QSER1: variants seen among roughly 807,000 people sequenced by gnomAD.
The protein encoded by QSER1 is glutamine and serine rich 1, also known as glutamine and serine-rich protein 1.
Under a neutral mutation model 158.5 loss-of-function variants are expected in QSER1, and 49 were observed. The observed-to-expected ratio is 0.31, with a 90% CI of 0.25 to 0.39. The LOEUF (loss-of-function observed/expected upper bound fraction) is 0.39. QSER1 is among the 10% of genes least tolerant of loss of function. QSER1 has a pLI of 1.00. For missense variants in QSER1, 1,754 were observed against 2,010.3 expected (o/e 0.87, Z 2.44); for synonymous variants, 650 against 715.5 (o/e 0.91, Z 1.46).
At chr11:32,926,900 C>G (rs1851979870) in intron 1 of QSER1, 1 of 152,108 alleles carries the variant, frequency 6.6e-6, no homozygotes, top group South Asian at 2.1e-4. Flanking sequence ...TACCACATTA[C>G]CTCTCCCAGT....
In QSER1 at chr11:32,969,116, G is replaced by A. The variant is rs369007735; in HGVS notation, c.5178G>A (p.Leu1726=). Residue 1726 remains leucine, a synonymous_variant, in exon 10 of 13, where the codon TTG becomes TTA. Transcript: ENST00000650167. ...ATGATAACCGAAAGAGACTTCTTTT[G>A]AATCTTCATTTGGATCAATCATTCA... The part of the protein sequence containing the change: ...MLNDNRKRLL[L]NLHLDQSFKN... 42 of 1,594,844 alleles carry A rather than the reference G, an allele frequency of 2.6e-5. 1 individual carries two copies. The highest frequency in any genetic ancestry group is 2.1e-4 in the Admixed American group (12 of 56,830).
intron 4 of QSER1, among the ~76,000 whole-genome samples, chr11:32,944,091 T>C (rs1852287808): frequency 6.6e-6 from 1 of 152,212 alleles, no homozygotes; most frequent in South Asian, 2.1e-4. Context: ...ATCCCCTTTA[T>C]CATTTTTTAT....
chr11:32,950,277 G>A (rs1467802148), intron 4 of QSER1, among the ~76,000 whole-genome samples: 1 of 151,858 alleles, frequency 6.6e-6, no homozygotes, highest in Non-Finnish European at 1.5e-5. Context: ...GTATTTTAGT[G>A]GACACGGGGT....
Position 32,935,185 on chromosome 11 carries a change from G to A in QSER1, c.3927G>A (p.Gly1309=), listed in dbSNP as rs770714574. Residue 1309 remains glycine (G), a synonymous_variant, in exon 4 of 13, where the codon GGG becomes GGA. Transcript: ENST00000650167. ...TGCCTAACAGGACTAGACGGCCAGG[G>A]ACCCAGATGGTTCGTACATTTTGTC... The part of the protein sequence containing the change: ...VRMPNRTRRP[G]TQMVRTFCPP... The A allele has an allele frequency of 1.2e-6, 2 of 1,614,042 alleles. No homozygotes were observed. Among genetic ancestry groups the A allele is most frequent in the East Asian group, 4.5e-5 (2 of 44,888 alleles).
At position 32,918,993 on chromosome 11, in the gene QSER1, C is replaced by T. The variant is rs117990223; in HGVS notation, c.210-8164C>T. Among the ~76,000 whole-genome samples, 365 of 152,290 alleles carry T rather than the reference C, an allele frequency of 2.4e-3. 1 individual carries two copies. Among genetic ancestry groups the T allele is most frequent in the Non-Finnish European group, 4.6e-3 (314 of 68,026 alleles). ...AGTTTTCCCTATTATTACCATCTTG[C>T]ATTGGTATGGGACATTTGTTACAGT... On this transcript the variant is annotated intron_variant, in intron 1 of 12. Coordinates refer to ENST00000650167, the MANE Select transcript of QSER1 (RefSeq NM_001076786.3).
At chr11:32,919,357 T>C (rs952482415) in intron 1 of QSER1, among the ~76,000 whole-genome samples, 1 of 152,236 alleles carries the variant, frequency 6.6e-6, no homozygotes, top group Non-Finnish European at 1.5e-5. Flanking sequence ...TTCTCTGGCC[T>C]CAACCTCTTA....
In QSER1 at chr11:32,908,041, A is replaced by T. The variant is rs554598365; in HGVS notation, c.209+14707A>T. On this transcript the variant is annotated intron_variant, in intron 1 of 12. Coordinates refer to ENST00000650167, the MANE Select transcript of QSER1 (RefSeq NM_001076786.3). ...TTTGAGCCCAGGAAGTCAAGGCTGCAGTGAGCCATGATCACCTCTCTTCTC... is the reference window on the plus strand; with the variant it reads ...TTTGAGCCCAGGAAGTCAAGGCTGCTGTGAGCCATGATCACCTCTCTTCTC... 2.0e-5 allele frequency among the ~76,000 whole-genome samples: 3 copies of T among 152,346 alleles called. No individual in the cohort carries two copies. The East Asian group carries it at 5.8e-4, about 29-fold the overall frequency.
chr11:32,907,114 CTT>C lies in QSER1; in HGVS notation c.209+13782_209+13783del, dbSNP rs560187885. Among the ~76,000 whole-genome samples the C allele has an allele frequency of 2.8e-4, 43 of 152,210 alleles. No individual in the cohort carries two copies. The East Asian group carries it at 5.2e-3, about 18-fold the overall frequency. On this transcript the variant is annotated intron_variant, in intron 1 of 12. Transcript: ENST00000650167. ...AAATACTACTGGTTTTATTATAAGT[CTT>C]TGGCTTACAAATTTGTGGACATTTC...
chr11:32,975,895 A>G (rs942180702), intron 12 of QSER1, among the ~76,000 whole-genome samples: 10 of 152,354 alleles, frequency 6.6e-5, no homozygotes, highest in African/African-American at 2.4e-4. Context: ...GTTGTAGACA[A>G]TACTACCTTA....
chr11:32,933,098 C>G lies in QSER1; in HGVS notation c.1840C>G (p.Pro614Ala). Residue 614 changes from proline (P) to alanine (A), a missense_variant, in exon 4 of 13, where the codon CCA (proline) becomes GCA (alanine). Around this residue, in one of 2 missense-constraint regions of QSER1, gnomAD observed 1,707 missense variants for 1,919.6 expected, o/e 0.89. Transcript: ENST00000650167. The stretch of plus-strand genomic sequence containing the variant: ...TTCTGCCTCTCGGGCTCAGAATTTG[C>G]CAGACTCTAGCCCGACCCAGAATTA... ...YSSASRAQNLPDSSPTQNYIS... is the reference protein window; with the variant it reads ...YSSASRAQNLADSSPTQNYIS... The G allele has an allele frequency of 1.2e-6, 2 of 1,613,866 alleles. No homozygotes were observed. The highest frequency in any genetic ancestry group is 1.7e-6 in the Non-Finnish European group (2 of 1,179,962).
chr11:32,966,171 T>C lies in QSER1; in HGVS notation c.4970-129T>C, dbSNP rs1852742864. 5 of 982,944 alleles carry C rather than the reference T, an allele frequency of 5.1e-6. No individual in the cohort carries two copies. In the Admixed American group the frequency reaches 1.2e-4, roughly 24 times the overall value. The allele number at this position is 982,944 out of a possible 1,614,324, so 60.9% of individuals were successfully genotyped here. A position where few individuals can be genotyped will look rare whatever the true frequency, so the allele number is the denominator to read the frequency against. On this transcript the variant is annotated intron_variant, in intron 8 of 12. Coordinates refer to ENST00000650167, the MANE Select transcript of QSER1 (RefSeq NM_001076786.3). Reference sequence around the variant, plus strand: ...TTGAGAACCTCAGACCTTTTAAAGGTAAGGTGAGAAAGTCTTGAATTTGAA... The same window carrying C: ...TTGAGAACCTCAGACCTTTTAAAGGCAAGGTGAGAAAGTCTTGAATTTGAA...
At position 32,977,958 on chromosome 11, in the gene QSER1, C is replaced by T. The variant is rs1166524288; in HGVS notation, c.*1484C>T. 2.6e-5 allele frequency: 4 copies of T among 152,576 alleles called. No homozygotes were observed. The highest frequency in any genetic ancestry group is 2.0e-4 in the Admixed American group (3 of 15,272). The allele number at this position is 152,576 out of a possible 1,614,324, so 9.5% of individuals were successfully genotyped here. On this transcript the variant is annotated 3_prime_UTR_variant, in exon 13 of 13. Transcript: ENST00000650167. ...TCTTGCTTTTGAGTTAACAGGCCAA[C>T]TTTTTATACTTAAAACCTCAGTAAA...
intron 4 of QSER1, among the ~76,000 whole-genome samples, chr11:32,939,027 C>T (rs940095326): frequency 2.6e-5 from 4 of 152,134 alleles, no homozygotes; most frequent in African/African-American, 9.7e-5. Flanking sequence ...TTCCTTACTC[C>T]TTTCAGATTG....
chr11:32,902,113 C>A (rs564681255), intron 1 of QSER1, among the ~76,000 whole-genome samples: 2 of 152,222 alleles, frequency 1.3e-5, no homozygotes, highest in South Asian at 4.2e-4. Context: ...CACATAAAAT[C>A]TCTGTTCTTG....
chr11:32,975,658 C>CTTGCT, intron 12 of QSER1: 1 of 1,181,106 alleles, frequency 8.5e-7, no homozygotes, highest in Non-Finnish European at 1.1e-6. Context: ...GTATGATGAT[C>CTTGCT]TTGCTTTAAT....
At chr11:32,928,239 ACTT>A in intron 3 of QSER1, 116 bp downstream of exon 3, 1 of 651,938 alleles carries the variant, frequency 1.5e-6, no homozygotes, top group South Asian at 2.1e-5. Flanking sequence ...TTTCCACTGA[ACTT>A]TAAGACCTGG....
At chr11:32,938,138 G>T (rs1055942557) in intron 4 of QSER1, among the ~76,000 whole-genome samples, 3 of 152,178 alleles carry the variant, frequency 2.0e-5, no homozygotes, top group Non-Finnish European at 4.4e-5. Flanking sequence ...TCAAATTCTA[G>T]AATCATAGTG....
chr11:32,897,852 G>A (rs893128537), intron 1 of QSER1, among the ~76,000 whole-genome samples: 4 of 152,176 alleles, frequency 2.6e-5, no homozygotes, highest in Admixed American at 2.0e-4. Context: ...CATCTCAGTA[G>A]TCATACCTCT....
At chr11:32,938,941 T>TA (rs1475335630) in intron 4 of QSER1, among the ~76,000 whole-genome samples, 10 of 152,328 alleles carry the variant, frequency 6.6e-5, no homozygotes, top group Non-Finnish European at 1.2e-4. Context: ...ATATTTGCAT[T>TA]AAAAAGACCA....
Sources: allele counts gnomAD v4.1 joint callset (sites outside exome capture counted in the v4.1 genomes callset), GRCh38; gene constraint gnomAD v4.1.1; regional missense constraint gnomAD v4.1.1; transcripts MANE v1.5; gene names NCBI Gene and HGNC (gene_info 2026-07-23, HGNC 2026-07-21).